Variants in NUDT6 observed in about 807,000 individuals in gnomAD.
The protein encoded by NUDT6 is nudix hydrolase 6, also known as FAD diphosphatase NUDT6.
Under a neutral mutation model 36.8 loss-of-function variants are expected in NUDT6, and 24 were observed. The observed-to-expected ratio is 0.65, with a 90% CI of 0.47 to 0.92. The LOEUF is 0.92. Among genes scored for constraint, NUDT6 ranks in the 40% least tolerant of loss-of-function variants. The pLI, the probability that NUDT6 is intolerant of heterozygous loss-of-function variation, is 0.00. For synonymous variants in NUDT6, 163 were observed against 157.0 expected (o/e 1.04, Z -0.29); for missense variants, 388 against 392.8 (o/e 0.99, Z 0.10).
chr4:122,922,885 A>C, upstream of NUDT6: 1 of 570,398 alleles, frequency 1.8e-6, no homozygotes. Context: ...CCTGTTTTTC[A>C]GGAATTTACA....
intron 3 of NUDT6, among the ~76,000 whole-genome samples, chr4:122,912,334 T>C (rs543531918): frequency 1.4e-4 from 21 of 152,342 alleles, no homozygotes; most frequent in African/African-American, 5.0e-4. Context: ...CATTTATAAT[T>C]TTCCTTTAGC....
intron 3 of NUDT6, among the ~76,000 whole-genome samples, chr4:122,910,056 C>A (rs72919850): frequency 0.051 from 6,753 of 132,292 alleles, 487 homozygotes; most frequent in African/African-American, 0.16. Flanking sequence ...AAACTAGAGA[C>A]GCATTAAGTG....
At position 122,922,588 on chromosome 4, in the gene NUDT6, T is replaced by C. The variant is rs1452199738; in HGVS notation, c.-16A>G. 1.9e-6 allele frequency: 3 copies of C among 1,583,346 alleles called. No homozygotes were observed. Among genetic ancestry groups the C allele is most frequent in the East Asian group, 2.2e-5 (1 of 44,644 alleles). Reference sequence around the variant, plus strand: ...GCTGCCGCATCTCCACGCCGCTTAATTCGTCCGTTGCCCAAATGACCCCTC... The same window carrying C: ...GCTGCCGCATCTCCACGCCGCTTAACTCGTCCGTTGCCCAAATGACCCCTC... On this transcript the variant is annotated 5_prime_UTR_variant, in exon 1 of 5. Transcript: ENST00000304430.
At chr4:122,906,259 T>C (rs1180889432) in intron 3 of NUDT6, among the ~76,000 whole-genome samples, 1 of 152,172 alleles carries the variant, frequency 6.6e-6, no homozygotes, top group Non-Finnish European at 1.5e-5. Flanking sequence ...GGTATTCATA[T>C]TGTGCCTTGA....
intron 1 of NUDT6, 21 bp from the exon 2 acceptor site, chr4:122,917,725 T>G (rs1395136461): frequency 6.2e-7 from 1 of 1,608,866 alleles, no homozygotes; most frequent in Non-Finnish European, 8.5e-7. Flanking sequence ...AAGAAAAAAG[T>G]CTAAATAATT....
chr4:122,922,397 C>A lies in NUDT6; in HGVS notation c.176G>T (p.Arg59Leu), dbSNP rs558322912. The A allele has an allele frequency of 1.9e-5, 30 of 1,609,440 alleles. No homozygotes were observed. In the East Asian group the frequency reaches 2.7e-4, roughly 14 times the overall value. The change falls in exon 1 of 5, where the codon CGC (arginine) becomes CTC (leucine). Residue 59 changes from arginine (R) to leucine (L), a missense_variant. Coordinates refer to ENST00000304430, the MANE Select transcript of NUDT6 (RefSeq NM_007083.5). ...GTCCAGCGCATCGAGCCGCGCCAGGCGCACCGAGATGCCCCCGAATCTGTC... is the reference window on the plus strand; with the variant it reads ...GTCCAGCGCATCGAGCCGCGCCAGGAGCACCGAGATGCCCCCGAATCTGTC... Reference protein sequence around the residue: ...ELDRFGGISVRLARLDALDRL... With the variant: ...ELDRFGGISVLLARLDALDRL...
At chr4:122,916,728 C>A (rs1727851966) in intron 2 of NUDT6, among the ~76,000 whole-genome samples, 1 of 152,168 alleles carries the variant, frequency 6.6e-6, no homozygotes, top group Admixed American at 6.5e-5. Flanking sequence ...GTAATAGATA[C>A]TGTAGTCCCC....
chr4:122,916,044 T>A (rs961652199), intron 2 of NUDT6, among the ~76,000 whole-genome samples: 6 of 152,170 alleles, frequency 3.9e-5, no homozygotes, highest in Non-Finnish European at 8.8e-5. Flanking sequence ...GTCATAAGGA[T>A]CCCTTACTAT....
intron 2 of NUDT6, among the ~76,000 whole-genome samples, chr4:122,916,796 G>A (rs1356514724): frequency 6.6e-6 from 1 of 152,164 alleles, no homozygotes; most frequent in African/African-American, 2.4e-5. Context: ...TAGTCTCGAA[G>A]TGTTACATCA....
intron 2 of NUDT6, chr4:122,913,289 T>G (rs1727766765): frequency 6.6e-6 from 1 of 152,328 alleles, no homozygotes; most frequent in Non-Finnish European, 1.5e-5. Flanking sequence ...AGACGATGCC[T>G]TCTAGCCCTG....
chr4:122,913,710 G>A (rs1727774970), intron 2 of NUDT6, among the ~76,000 whole-genome samples: 1 of 151,632 alleles, frequency 6.6e-6, no homozygotes, highest in Admixed American at 6.6e-5. Context: ...TTTTATATAT[G>A]TTTTAAGTTC....
At chr4:122,922,306 CG>C in intron 1 of NUDT6, 28 bp downstream of exon 1, 1 of 1,572,172 alleles carries the variant, frequency 6.4e-7, no homozygotes. Context: ...TCTGGAGCCC[CG>C]GGAGCCCTTC....
Position 122,901,269 on chromosome 4 carries a change from A to G in NUDT6, c.499-3591T>C, listed in dbSNP as rs544799654. Among the ~76,000 whole-genome samples the G allele has an allele frequency of 3.9e-5, 6 of 152,282 alleles. No homozygotes were observed. In the South Asian group the frequency reaches 1.2e-3, roughly 32 times the overall value. On this transcript the variant is annotated intron_variant, in intron 3 of 4. Transcript: ENST00000304430. ...TAGTAACCTTTTAACTTATAAAAATATGTGATTTTAACCATATTAAAGCAT... is the reference window on the plus strand; with the variant it reads ...TAGTAACCTTTTAACTTATAAAAATGTGTGATTTTAACCATATTAAAGCAT...
At position 122,917,613 on chromosome 4, in the gene NUDT6, G is replaced by A. The variant is rs981174089; in HGVS notation, c.330C>T (p.Ser110=). The A allele has an allele frequency of 1.2e-6, 2 of 1,614,074 alleles. No individual in the cohort carries two copies. The highest frequency in any genetic ancestry group is 1.7e-5 in the Admixed American group (1 of 60,004). Residue 110 remains serine, a synonymous_variant, in exon 2 of 5, where the codon TCC becomes TCT. Coordinates refer to ENST00000304430, the MANE Select transcript of NUDT6 (RefSeq NM_007083.5). ...LQSRFIAPAA[S]LGFCFHHAES... ...CTGCGTGGTGAAAGCAGAAGCCCAGGGAAGCAGCAGGGGCAATAAATCGGC... is the reference window on the plus strand; with the variant it reads ...CTGCGTGGTGAAAGCAGAAGCCCAGAGAAGCAGCAGGGGCAATAAATCGGC...
intron 3 of NUDT6, among the ~76,000 whole-genome samples, chr4:122,908,042 G>A (rs529556395): frequency 6.8e-6 from 1 of 146,096 alleles, no homozygotes; most frequent in East Asian, 1.9e-4. Flanking sequence ...ACTGTGAATT[G>A]TAACTAAAAA....
At chr4:122,918,743 A>C (rs1235243228) in intron 1 of NUDT6, 1 of 152,216 alleles carries the variant, frequency 6.6e-6, no homozygotes, top group African/African-American at 2.4e-5. Flanking sequence ...CCTTTAATAA[A>C]GACTTCCTGA....
At chr4:122,917,459 G>T in intron 2 of NUDT6, 42 bp downstream of exon 2, 2 of 1,528,382 alleles carry the variant, frequency 1.3e-6, no homozygotes, top group East Asian at 2.2e-5. Context: ...TTGGGTGAAC[G>T]TCTAAAAAGT....
intron 4 of NUDT6, chr4:122,895,923 C>G (rs533484365): frequency 6.6e-6 from 1 of 152,464 alleles, no homozygotes; most frequent in South Asian, 2.1e-4. Context: ...TTAGATGATT[C>G]AGCTTCATCA....
At chr4:122,899,603 C>CT (rs1195021928) in intron 3 of NUDT6, among the ~76,000 whole-genome samples, 2 of 152,002 alleles carry the variant, frequency 1.3e-5, no homozygotes, top group Non-Finnish European at 2.9e-5. Flanking sequence ...TGTCTTCCCA[C>CT]TTTTTTTTCT....
Sources: allele counts gnomAD v4.1 joint callset (sites outside exome capture counted in the v4.1 genomes callset), GRCh38; gene constraint gnomAD v4.1.1; transcripts MANE v1.5; gene names NCBI Gene and HGNC (gene_info 2026-07-23, HGNC 2026-07-21).